The following TXLNB variants were observed in gnomAD, a reference collection of about 807,000 sequenced individuals.
TXLNB encodes the protein beta-taxilin.
TXLNB carries 37 observed loss-of-function variants against 57.4 expected under a neutral mutation model. The ratio of observed to expected loss-of-function variants is 0.64; its 90% CI spans 0.50 to 0.85. TXLNB has a LOEUF of 0.85. Ranked by LOEUF, TXLNB falls within the 40% of genes least tolerant of loss-of-function variation. The pLI, the probability that TXLNB is intolerant of heterozygous loss-of-function variation, is 0.00. For synonymous variants in TXLNB, 302 were observed against 309.6 expected (o/e 0.98, Z 0.26); for missense variants, 848 against 825.6 (o/e 1.03, Z -0.33).
chr6:139,254,312 G>A (rs1273355479), intron 7 of TXLNB, among the ~76,000 whole-genome samples: 3 of 112,300 alleles, frequency 2.7e-5, no homozygotes, highest in Non-Finnish European at 5.2e-5. Flanking sequence ...CAATGAACAC[G>A]ATTTGTGTGT....
intron 2 of TXLNB, among the ~76,000 whole-genome samples, chr6:139,286,316 G>A: frequency 6.7e-6 from 1 of 150,182 alleles, no homozygotes; most frequent in South Asian, 2.2e-4. Context: ...TACCTGTCAA[G>A]CTTTGTCTCT....
the TXLNB span, among the ~76,000 whole-genome samples, chr6:139,164,208 C>T: frequency 2.0e-5 from 3 of 152,158 alleles, no homozygotes; most frequent in Non-Finnish European, 4.4e-5. Context: ...ACGCTGCCAC[C>T]AGGGGAGCTT....
chr6:139,297,656 G>T, the TXLNB span, among the ~76,000 whole-genome samples: 3 of 151,864 alleles, frequency 2.0e-5, no homozygotes, highest in African/African-American at 7.3e-5. Flanking sequence ...CATAGAATGG[G>T]GACTACTTAT....
chr6:139,275,468 T>A (rs1404596091), intron 3 of TXLNB, among the ~76,000 whole-genome samples: 1 of 152,216 alleles, frequency 6.6e-6, no homozygotes, highest in East Asian at 1.9e-4. Flanking sequence ...GTATTTTACA[T>A]GAGGGATTAG....
intron 3 of TXLNB, among the ~76,000 whole-genome samples, chr6:139,273,226 T>C (rs1165680721): frequency 6.6e-6 from 1 of 152,152 alleles, no homozygotes; most frequent in Admixed American, 6.5e-5. Context: ...CTCAACACCA[T>C]CCCTAGCCCC....
At chr6:139,252,259 G>T (rs770070384) in intron 7 of TXLNB, among the ~76,000 whole-genome samples, 68 of 152,178 alleles carry the variant, frequency 4.5e-4, no homozygotes, top group Non-Finnish European at 8.8e-4. Context: ...CCTTGGCCTT[G>T]GCCTCCTGCT....
chr6:139,248,358 T>C (rs1468117252), intron 7 of TXLNB, among the ~76,000 whole-genome samples: 1 of 151,684 alleles, frequency 6.6e-6, no homozygotes. Flanking sequence ...TAGCCGGGCA[T>C]GGTGGTGGGC....
At chr6:139,232,974 C>T in the TXLNB span, among the ~76,000 whole-genome samples, 1 of 152,086 alleles carries the variant, frequency 6.6e-6, no homozygotes, top group Admixed American at 6.6e-5. Flanking sequence ...TGTGGAAAAG[C>T]TTTGTAACAA....
downstream of TXLNB, chr6:139,239,791 C>G (rs1562267520): frequency 6.6e-6 from 1 of 152,238 alleles, no homozygotes; most frequent in Non-Finnish European, 1.5e-5. This position sits in a 1 kb window ranked among gnomAD's most constrained non-coding sequence, Gnocchi z 4.7. Context: ...GCTACCATGC[C>G]TGGCCTCCGT....
chr6:139,295,584 G>A (rs1038417188), upstream of TXLNB, among the ~76,000 whole-genome samples: 6 of 151,280 alleles, frequency 4.0e-5, no homozygotes, highest in African/African-American at 1.2e-4. Flanking sequence ...TTTTTTGGGG[G>A]GGGGATTTAC....
the TXLNB span, among the ~76,000 whole-genome samples, chr6:139,209,583 C>A: frequency 2.0e-5 from 3 of 152,102 alleles, no homozygotes; most frequent in Non-Finnish European, 4.4e-5. Flanking sequence ...GCCAACTGAT[C>A]TTTGACAAAG....
In TXLNB at chr6:139,242,947, G is replaced by A; in HGVS notation, c.1634C>T (p.Pro545Leu). ...DAALKEPEQP[P>L]LIPSRDSESP... ...CTCTGAATCCCGTGAAGGGATCAGA[G>A]GGGGTTGCTCTGGCTCCTTGAGAGC... Residue 545 changes from proline to leucine, a missense_variant, in exon 10 of 10, where the codon CCT becomes CTT. Coordinates refer to ENST00000358430, the MANE Select transcript of TXLNB (RefSeq NM_153235.4). The A allele has an allele frequency of 1.2e-6, 2 of 1,614,188 alleles. No homozygotes were observed. Among genetic ancestry groups the A allele is most frequent in the South Asian group, 1.1e-5 (1 of 91,064 alleles).
In TXLNB at chr6:139,253,365, C is replaced by T. The variant is rs140377848; in HGVS notation, c.1077+2199G>A. ...TTGCTGAGCAAGAGGTGAAGTAATA[C>T]CAGAAACAACTACATTTTAGATAGT... On this transcript the variant is annotated intron_variant, in intron 7 of 9. Transcript: ENST00000358430. Among the ~76,000 whole-genome samples, 547 of 152,276 alleles carry T rather than the reference C, an allele frequency of 3.6e-3. 3 individuals are homozygous for T. The highest frequency in any genetic ancestry group is 0.012 in the African/African-American group (502 of 41,534).
chr6:139,288,877 T>G lies in TXLNB; in HGVS notation c.23A>C (p.Gln8Pro), dbSNP rs1562291189. 5 of 1,613,160 alleles carry G rather than the reference T, an allele frequency of 3.1e-6. No homozygotes were observed. The highest frequency in any genetic ancestry group is 1.7e-5 in the Admixed American group (1 of 60,016). The change falls in exon 2 of 10, where the codon CAG becomes CCG. Residue 8 changes from glutamine (Q) to proline (P), a missense_variant. Coordinates refer to ENST00000358430, the MANE Select transcript of TXLNB (RefSeq NM_153235.4). Reference protein sequence around the residue: MEANHSEQLSAERQSTPP... With the variant: MEANHSEPLSAERQSTPP... ...TGTTGACTGTCGTTCCGCTGAGAGC[T>G]GTTCAGAGTGATTAGCCTCCATCTT...
the TXLNB span, among the ~76,000 whole-genome samples, chr6:139,322,705 C>T: frequency 5.9e-5 from 9 of 152,228 alleles, no homozygotes; most frequent in Non-Finnish European, 1.5e-5. Context: ...ATCTTAGTAA[C>T]AACTGCCTTC....
chr6:139,207,333 T>G, the TXLNB span, among the ~76,000 whole-genome samples: 3 of 152,182 alleles, frequency 2.0e-5, no homozygotes, highest in Non-Finnish European at 2.9e-5. Flanking sequence ...AAAGGAATCC[T>G]CAGAACTATA....
the TXLNB span, among the ~76,000 whole-genome samples, chr6:139,213,987 T>A: frequency 6.6e-6 from 1 of 152,166 alleles, no homozygotes; most frequent in Non-Finnish European, 1.5e-5. Flanking sequence ...CAATAATTAA[T>A]AGCTTACCAA....
the TXLNB span, among the ~76,000 whole-genome samples, chr6:139,186,120 C>T: frequency 2.6e-5 from 4 of 152,118 alleles, no homozygotes; most frequent in Admixed American, 2.6e-4. Flanking sequence ...GGAGTTGGAA[C>T]AATTTGATAT....
downstream of TXLNB, chr6:139,237,327 C>T (rs1047303801): frequency 6.6e-6 from 1 of 151,646 alleles, no homozygotes; most frequent in Non-Finnish European, 1.5e-5. Context: ...CAGTGAAACC[C>T]CGTCTCTACT....
Sources: gnomAD v4.1 joint callset for allele counts (sites outside exome capture counted in the v4.1 genomes callset) on GRCh38, gnomAD v4.1.1 for gene constraint, Gnocchi (gnomAD v3.1) non-coding constraint, MANE v1.5 for transcripts, NCBI Gene and HGNC (gene_info 2026-07-23, HGNC 2026-07-21) for gene names.